Variants in PLCB1 observed in about 807,000 individuals in gnomAD.
PLCB1 encodes the protein phospholipase C beta 1.
PLCB1 carries 46 observed loss-of-function variants against 161.8 expected under a neutral mutation model. That is an observed-to-expected ratio of 0.28 (90% CI 0.22 to 0.36). PLCB1 has a LOEUF of 0.36. PLCB1 is among the 10% of genes least tolerant of loss of function. The pLI is 1.00. For synonymous variants in PLCB1, 517 were observed against 503.7 expected, an observed-to-expected ratio of 1.03 and a Z score of -0.35; for missense variants, 1,016 against 1,472.5, an observed-to-expected ratio of 0.69 and a Z score of 5.07.
intron 3 of PLCB1, among the ~76,000 whole-genome samples, chr20:8,541,595 A>AGAAAGAAAGAAG (rs1555769061): frequency 6.6e-6 from 1 of 151,698 alleles, no homozygotes; most frequent in African/African-American, 2.4e-5. Flanking sequence ...AAAGAAAGAA[A>AGAAAGAAAGAAG]GAAAGAAAGA....
chr20:8,602,493 C>T (rs918529765), intron 3 of PLCB1, among the ~76,000 whole-genome samples: 7 of 152,056 alleles, frequency 4.6e-5, no homozygotes, highest in African/African-American at 7.2e-5. Flanking sequence ...GTGTAATACA[C>T]GATGATTAAC....
Position 8,376,629 on chromosome 20 carries a change from TAAA to T in PLCB1, c.246+5183_246+5185del, listed in dbSNP as rs764765333. ...GTGGTGGTAGTTTTAAACTGGGTCT[TAAA>T]AAAGAAAAGAAATCAGCCGGGCGCA... On this transcript the variant is annotated intron_variant, in intron 3 of 31. Coordinates refer to ENST00000338037, the MANE Select transcript of PLCB1 (RefSeq NM_015192.4). Among the ~76,000 whole-genome samples, 4 of 152,206 alleles carry T rather than the reference TAAA, an allele frequency of 2.6e-5. No individual in the cohort carries two copies. In the South Asian group the frequency reaches 8.3e-4, roughly 32 times the overall value.
chr20:8,469,599 C>T (rs917777532), intron 3 of PLCB1, among the ~76,000 whole-genome samples: 1 of 152,014 alleles, frequency 6.6e-6, no homozygotes, highest in Non-Finnish European at 1.5e-5. Flanking sequence ...TACCCACAAC[C>T]ATTGTTACTA....
chr20:8,186,896 A>G (rs1317904536), intron 2 of PLCB1, among the ~76,000 whole-genome samples: 4 of 152,108 alleles, frequency 2.6e-5, no homozygotes, highest in Admixed American at 1.3e-4. Flanking sequence ...GAGGAGTCCC[A>G]TATCTCCTAG....
chr20:8,311,291 G>C (rs1001025932), intron 2 of PLCB1, among the ~76,000 whole-genome samples: 3 of 152,206 alleles, frequency 2.0e-5, no homozygotes, highest in African/African-American at 7.2e-5. Flanking sequence ...TAGAAACTGA[G>C]AAAAGGTGGT....
intron 2 of PLCB1, among the ~76,000 whole-genome samples, chr20:8,338,062 G>A (rs889605729): frequency 6.6e-5 from 10 of 152,130 alleles, no homozygotes; most frequent in Non-Finnish European, 1.3e-4. Flanking sequence ...AGCCAGAGAC[G>A]TCCAGGATTC....
intron 3 of PLCB1, among the ~76,000 whole-genome samples, chr20:8,592,123 C>A (rs1278819069): frequency 1.3e-5 from 2 of 152,140 alleles, no homozygotes; most frequent in Non-Finnish European, 2.9e-5. Flanking sequence ...AATCAGAAAG[C>A]AAATGTGTCA....
At chr20:8,763,771 G>A (rs774665239) in intron 25 of PLCB1, among the ~76,000 whole-genome samples, 5 of 152,028 alleles carry the variant, frequency 3.3e-5, no homozygotes, top group South Asian at 2.1e-4. Context: ...ATCCTGCCTC[G>A]GCCTCCCAAA....
At chr20:8,565,279 T>C (rs1389546008) in intron 3 of PLCB1, among the ~76,000 whole-genome samples, 8 of 151,316 alleles carry the variant, frequency 5.3e-5, no homozygotes, top group African/African-American at 7.3e-5. Context: ...TAAGTGGGAG[T>C]TGAACAATGA....
chr20:8,136,501 C>T (rs1415097606), intron 1 of PLCB1, among the ~76,000 whole-genome samples: 4 of 151,958 alleles, frequency 2.6e-5, no homozygotes, highest in Non-Finnish European at 5.9e-5. Flanking sequence ...TGGCGGGCGC[C>T]TGTAGTCCCA....
intron 2 of PLCB1, among the ~76,000 whole-genome samples, chr20:8,324,143 G>A (rs1393877296): frequency 2.0e-5 from 3 of 151,256 alleles, no homozygotes; most frequent in Non-Finnish European, 2.9e-5. Flanking sequence ...AAGTAAAGAC[G>A]GTTTTAAAAT....
chr20:8,499,864 G>C lies in PLCB1; in HGVS notation c.246+128414G>C, dbSNP rs182251431. Among the ~76,000 whole-genome samples the C allele has an allele frequency of 3.3e-5, 5 of 152,274 alleles. No homozygotes were observed. In the East Asian group the frequency reaches 9.6e-4, roughly 29 times the overall value. Reference sequence around the variant, plus strand: ...TTATTTGTTAGGCATTGTTTTCGGTGCAGGGAACACTGATAAATAAACAGG... The same window carrying C: ...TTATTTGTTAGGCATTGTTTTCGGTCCAGGGAACACTGATAAATAAACAGG... On this transcript the variant is annotated intron_variant, in intron 3 of 31. Coordinates refer to ENST00000338037, the MANE Select transcript of PLCB1 (RefSeq NM_015192.4).
chr20:8,207,617 G>A lies in PLCB1; in HGVS notation c.177+57246G>A, dbSNP rs137974345. Among the ~76,000 whole-genome samples the A allele has an allele frequency of 6.9e-4, 105 of 152,146 alleles. 1 individual carries two copies. In the East Asian group the frequency reaches 0.019, roughly 27 times the overall value. On this transcript the variant is annotated intron_variant, in intron 2 of 31. Transcript: ENST00000338037. ...TTTTTAAGACACGAGATCTTGGTCT[G>A]TCACCCAGGCTGGTGTGAAGTGGCA...
chr20:8,452,126 A>G (rs746760680), intron 3 of PLCB1, among the ~76,000 whole-genome samples: 3 of 152,248 alleles, frequency 2.0e-5, no homozygotes, highest in Non-Finnish European at 4.4e-5. Context: ...TGTATCTCAG[A>G]TGAGCTTCAA....
intron 2 of PLCB1, among the ~76,000 whole-genome samples, chr20:8,237,746 GC>G (rs1184192341): frequency 6.6e-6 from 1 of 152,032 alleles, no homozygotes; most frequent in Non-Finnish European, 1.5e-5. Flanking sequence ...AATAGAATCT[GC>G]AATATAATCA....
chr20:8,313,522 A>G (rs919381429), intron 2 of PLCB1, among the ~76,000 whole-genome samples: 11 of 152,030 alleles, frequency 7.2e-5, no homozygotes, highest in Admixed American at 3.9e-4. Context: ...AGGTCACTGT[A>G]GGAGGTCAAT....
chr20:8,650,874 G>A (rs1033142187), intron 7 of PLCB1, among the ~76,000 whole-genome samples: 1 of 152,032 alleles, frequency 6.6e-6, no homozygotes, highest in African/African-American at 2.4e-5. Flanking sequence ...TAAACAGTTT[G>A]GATCTAAACA....
Position 8,311,705 on chromosome 20 carries a change from C to T in PLCB1, c.178-59677C>T, listed in dbSNP as rs143541514. On this transcript the variant is annotated intron_variant, in intron 2 of 31. Coordinates refer to ENST00000338037, the MANE Select transcript of PLCB1 (RefSeq NM_015192.4). ...ATCATAACTCCGGAGTGATCTTTTG[C>T]CCTTACCAGTACTTTGGCTTTTTTA... 1.7e-3 allele frequency among the ~76,000 whole-genome samples: 264 copies of T among 152,242 alleles called. 3 individuals are homozygous for T. Among genetic ancestry groups the T allele is most frequent in the African/African-American group, 5.4e-3 (224 of 41,542 alleles).
chr20:8,386,667 A>C (rs1306038423), intron 3 of PLCB1, among the ~76,000 whole-genome samples: 1 of 152,236 alleles, frequency 6.6e-6, no homozygotes, highest in African/African-American at 2.4e-5. Flanking sequence ...TGTCCTTTGA[A>C]GCTTTGAAGT....
Sources: allele counts gnomAD v4.1 joint callset (sites outside exome capture counted in the v4.1 genomes callset), GRCh38; gene constraint gnomAD v4.1.1; transcripts MANE v1.5; gene names NCBI Gene and HGNC (gene_info 2026-07-23, HGNC 2026-07-21).